CLDN14: variants seen among roughly 807,000 people sequenced by gnomAD.
CLDN14 encodes the protein claudin 14.
A neutral mutation model predicts 2.1 loss-of-function variants in CLDN14; 2 were observed. That is an observed-to-expected ratio of 0.96 (90% CI 0.39 to 3.01). The LOEUF is 3.01. Among genes scored for constraint, CLDN14 ranks in the 30% most tolerant of loss-of-function variants. The probability of loss-of-function intolerance (pLI) is 0.09; values close to 1 mark genes in which losing one functional copy is unlikely to be tolerated. For synonymous variants in CLDN14, 136 were observed against 154.4 expected (o/e 0.88, Z 0.88); for missense variants, 298 against 328.0 (o/e 0.91, Z 0.71).
intron 1 of CLDN14, chr21:36,510,572 G>C (rs1568864371): frequency 6.6e-6 from 1 of 152,308 alleles, no homozygotes; most frequent in African/African-American, 2.4e-5. Context: ...CCTCTAGAGA[G>C]GAGGGCAGGC....
At chr21:36,550,661 G>A (rs2087557463) in intron 1 of CLDN14, among the ~76,000 whole-genome samples, 1 of 152,244 alleles carries the variant, frequency 6.6e-6, no homozygotes, top group South Asian at 2.1e-4. Flanking sequence ...TTAGGTCCGG[G>A]AACTCCTCCT....
chr21:36,462,883 A>G lies in CLDN14; in HGVS notation c.-81-1107T>C, dbSNP rs867120294. 4.4e-5 allele frequency among the ~76,000 whole-genome samples: 5 copies of G among 114,538 alleles called. No individual in the cohort carries two copies. In the Middle Eastern group the frequency reaches 0.014, roughly 324 times the overall value. 75.1% of individuals were successfully genotyped at this position (114,538 alleles called of 152,430 possible). A position where few individuals can be genotyped will look rare whatever the true frequency, so the allele number is the denominator to read the frequency against. Reference sequence around the variant, plus strand: ...CAGTGAGCCGAGATCGCGCCACTGCACTTCATCCTGGGCGACAGAGTAAGA... The same window carrying G: ...CAGTGAGCCGAGATCGCGCCACTGCGCTTCATCCTGGGCGACAGAGTAAGA... On this transcript the variant is annotated intron_variant, in intron 1 of 1. Coordinates refer to ENST00000399135, the MANE Select transcript of CLDN14 (RefSeq NM_001146079.2).
At chr21:36,543,909 G>C (rs771670541) in intron 1 of CLDN14, among the ~76,000 whole-genome samples, 2 of 152,244 alleles carry the variant, frequency 1.3e-5, no homozygotes, top group African/African-American at 2.4e-5. Context: ...AGTTCTAGTT[G>C]ATTCCTAAAG....
intron 2 of CLDN14, among the ~76,000 whole-genome samples, chr21:36,494,617 T>C (rs2086998393): frequency 1.3e-5 from 2 of 152,082 alleles, no homozygotes; most frequent in South Asian, 2.1e-4. Flanking sequence ...TTCGTACGGG[T>C]GGGCCCTGAC....
intron 1 of CLDN14, among the ~76,000 whole-genome samples, chr21:36,527,318 T>C (rs750282317): frequency 6.6e-6 from 1 of 152,204 alleles, no homozygotes; most frequent in Non-Finnish European, 1.5e-5. Context: ...GAGTGACTGA[T>C]GGCTATTTTA....
chr21:36,488,261 C>CCTTCCTTA (rs1555846827), intron 2 of CLDN14, among the ~76,000 whole-genome samples: 2 of 149,936 alleles, frequency 1.3e-5, no homozygotes, highest in African/African-American at 2.5e-5. Context: ...TTCCTTCCTT[C>CCTTCCTTA]CTTCCTTCCT....
At chr21:36,568,110 G>T (rs1418282740) in intron 1 of CLDN14, among the ~76,000 whole-genome samples, 2 of 152,172 alleles carry the variant, frequency 1.3e-5, no homozygotes, top group Non-Finnish European at 2.9e-5. Context: ...AAGGACAAGT[G>T]GGAGGTTACA....
chr21:36,519,133 G>A lies in CLDN14; in HGVS notation c.-219-8633C>T, dbSNP rs141245212. Among the ~76,000 whole-genome samples the A allele has an allele frequency of 2.5e-3, 385 of 152,242 alleles. 10 individuals carry two copies. Among genetic ancestry groups the A allele is most frequent in the Admixed American group, 0.022 (344 of 15,290 alleles). ...AAGGGGTCATCTACATTGGTTACACGCCCCATTTTTAGCTGGATGTAGCTA... is the reference window on the plus strand; with the variant it reads ...AAGGGGTCATCTACATTGGTTACACACCCCATTTTTAGCTGGATGTAGCTA... On this transcript the variant is annotated intron_variant, in intron 1 of 2. Transcript: ENST00000342108.
At chr21:36,475,366 G>C (rs2086764260) in intron 1 of CLDN14, among the ~76,000 whole-genome samples, 1 of 152,210 alleles carries the variant, frequency 6.6e-6, no homozygotes, top group Non-Finnish European at 1.5e-5. Context: ...GAAGTCACCT[G>C]GATCAGTGGC....
At chr21:36,481,536 C>T (rs910013711), upstream of CLDN14, among the ~76,000 whole-genome samples, 10 of 152,108 alleles carry the variant, frequency 6.6e-5, no homozygotes, top group East Asian at 1.9e-4. Context: ...TAGGAAACCC[C>T]GCAGAGAGAA....
chr21:36,486,513 G>C, intron 2 of CLDN14: 2 of 1,565,510 alleles, frequency 1.3e-6, no homozygotes, highest in Non-Finnish European at 1.8e-6. Flanking sequence ...CCGAGACCCA[G>C]CATGGCACCC....
At chr21:36,472,847 C>A (rs1312347900) in intron 1 of CLDN14, among the ~76,000 whole-genome samples, 1 of 152,180 alleles carries the variant, frequency 6.6e-6, no homozygotes, top group Non-Finnish European at 1.5e-5. Context: ...GGCACCCACC[C>A]TCATGACCTC....
intron 2 of CLDN14, among the ~76,000 whole-genome samples, chr21:36,490,072 G>A (rs2086945344): frequency 6.6e-6 from 1 of 152,248 alleles, no homozygotes; most frequent in African/African-American, 2.4e-5. Flanking sequence ...CTCGCTGGAA[G>A]CATCTCTCTA....
intron 1 of CLDN14, among the ~76,000 whole-genome samples, chr21:36,517,600 C>G (rs1368009895): frequency 1.3e-5 from 2 of 152,184 alleles, no homozygotes; most frequent in Non-Finnish European, 2.9e-5. Flanking sequence ...ACTCGCCATG[C>G]ATATTTAGTA....
chr21:36,477,135 A>T (rs2086789024), intron 1 of CLDN14, among the ~76,000 whole-genome samples: 1 of 152,236 alleles, frequency 6.6e-6, no homozygotes. Flanking sequence ...GAATGTCAAG[A>T]TGGCGTCTGC....
intron 1 of CLDN14, among the ~76,000 whole-genome samples, chr21:36,561,382 G>A (rs778642878): frequency 3.9e-5 from 6 of 152,164 alleles, no homozygotes; most frequent in African/African-American, 9.7e-5. Flanking sequence ...TAGGACCAAC[G>A]GGCTACCTCT....
chr21:36,503,598 A>G (rs1185352390), intron 2 of CLDN14, among the ~76,000 whole-genome samples: 5 of 152,216 alleles, frequency 3.3e-5, no homozygotes, highest in Non-Finnish European at 4.4e-5. Context: ...TTCCCCAGCC[A>G]CATGGAACTA....
chr21:36,508,218 G>A (rs2087151149), intron 2 of CLDN14, among the ~76,000 whole-genome samples: 1 of 152,198 alleles, frequency 6.6e-6, no homozygotes, highest in Non-Finnish European at 1.5e-5. Flanking sequence ...CTAGGGAACA[G>A]TTTTGACTCA....
intron 1 of CLDN14, among the ~76,000 whole-genome samples, chr21:36,574,447 G>C (rs1035736620): frequency 1.3e-5 from 2 of 152,092 alleles, no homozygotes; most frequent in African/African-American, 4.8e-5. Flanking sequence ...AGCAAAAGAA[G>C]CCAAACTCCG....
Sources: gnomAD v4.1 joint callset for allele counts (sites outside exome capture counted in the v4.1 genomes callset) on GRCh38, gnomAD v4.1.1 for gene constraint, MANE v1.5 for transcripts, NCBI Gene and HGNC (gene_info 2026-07-23, HGNC 2026-07-21) for gene names.